Variants in CNTN1 observed in about 807,000 individuals in gnomAD.
CNTN1 encodes contactin-1.
In CNTN1, 38 loss-of-function variants were observed where a neutral mutation model predicts 126.4. The ratio of observed to expected loss-of-function variants is 0.30; its 90% CI spans 0.23 to 0.39. The LOEUF (loss-of-function observed/expected upper bound fraction) is 0.39, where lower values mean the gene tolerates loss of function less well. Ranked by LOEUF, CNTN1 falls within the 10% of genes least tolerant of loss-of-function variation. CNTN1 has a pLI of 1.00. For synonymous variants in CNTN1, 413 were observed against 422.6 expected (o/e 0.98, Z 0.28); for missense variants, 1,009 against 1,248.4 (o/e 0.81, Z 2.89).
intron 17 of CNTN1, among the ~76,000 whole-genome samples, chr12:40,995,590 A>G (rs1948193327): frequency 6.6e-6 from 1 of 152,088 alleles, no homozygotes; most frequent in Non-Finnish European, 1.5e-5. Context: ...CATTTTCTCA[A>G]ATGGTATTTT....
intron 1 of CNTN1, among the ~76,000 whole-genome samples, chr12:40,854,638 G>T (rs1237216257): frequency 6.6e-6 from 1 of 152,126 alleles, no homozygotes; most frequent in East Asian, 1.9e-4. Context: ...GCAAGTGAAA[G>T]CTTTTCACTT....
chr12:40,740,177 A>T (rs1209731934), intron 1 of CNTN1, among the ~76,000 whole-genome samples: 2 of 152,112 alleles, frequency 1.3e-5, no homozygotes, highest in Non-Finnish European at 2.9e-5. Context: ...ATCTACTGTA[A>T]TTAAAACAGA....
At chr12:40,978,250 T>A (rs1411464699) in intron 15 of CNTN1, among the ~76,000 whole-genome samples, 1 of 152,136 alleles carries the variant, frequency 6.6e-6, no homozygotes, top group African/African-American at 2.4e-5. Context: ...CCCTGTTTTT[T>A]AATACAATTA....
intron 14 of CNTN1, among the ~76,000 whole-genome samples, chr12:40,955,826 G>A (rs1185069309): frequency 1.3e-5 from 2 of 152,070 alleles, no homozygotes; most frequent in South Asian, 2.1e-4. Flanking sequence ...AGATATGGGA[G>A]GGGTATCCAA....
At chr12:40,820,874 A>G (rs1282680605) in intron 1 of CNTN1, among the ~76,000 whole-genome samples, 1 of 151,902 alleles carries the variant, frequency 6.6e-6, no homozygotes, top group African/African-American at 2.4e-5. Context: ...TTGTTTATTT[A>G]TTGTTTGTTT....
chr12:40,997,384 A>G (rs765712662), intron 17 of CNTN1, among the ~76,000 whole-genome samples: 7 of 152,310 alleles, frequency 4.6e-5, no homozygotes, highest in Non-Finnish European at 7.4e-5. Context: ...CTTTCATATT[A>G]TGTATAAAGC....
At chr12:40,800,637 C>T (rs568589199) in intron 1 of CNTN1, among the ~76,000 whole-genome samples, 1 of 151,930 alleles carries the variant, frequency 6.6e-6, no homozygotes, top group Admixed American at 6.6e-5. Flanking sequence ...ATAGATCATA[C>T]CCTGGAAACA....
chr12:40,753,727 C>A (rs1277540639), intron 1 of CNTN1, among the ~76,000 whole-genome samples: 1 of 151,972 alleles, frequency 6.6e-6, no homozygotes, highest in Non-Finnish European at 1.5e-5. Context: ...GGCGACATAG[C>A]CAAACCATAT....
intron 14 of CNTN1, among the ~76,000 whole-genome samples, chr12:40,949,107 A>G (rs1158408819): frequency 6.6e-6 from 1 of 152,196 alleles, no homozygotes; most frequent in African/African-American, 2.4e-5. Flanking sequence ...ATATGTATTT[A>G]AAACTAGATC....
chr12:40,961,868 T>A lies in CNTN1; in HGVS notation c.1804+2634T>A, dbSNP rs114732514. 4.0e-3 allele frequency among the ~76,000 whole-genome samples: 612 copies of A among 152,202 alleles called. 3 individuals carry two copies. Among genetic ancestry groups the A allele is most frequent in the African/African-American group, 0.014 (574 of 41,562 alleles). On this transcript the variant is annotated intron_variant, in intron 15 of 23. Transcript: ENST00000551295. ...AAAGATTCGATTTGCACTCAACCCT[T>A]CAAAATTACATGTTTGTAAAAAATA...
chr12:40,718,111 T>A (rs1942094430), intron 1 of CNTN1, among the ~76,000 whole-genome samples: 1 of 152,182 alleles, frequency 6.6e-6, no homozygotes, highest in Non-Finnish European at 1.5e-5. Flanking sequence ...CATTCTCATT[T>A]GAAACCAAGA....
intron 19 of CNTN1, among the ~76,000 whole-genome samples, chr12:41,019,254 C>T (rs909274465): frequency 1.3e-5 from 2 of 152,208 alleles, no homozygotes; most frequent in East Asian, 1.9e-4. Flanking sequence ...GTGTCTTAAG[C>T]ATTTTACAAG....
intron 7 of CNTN1, among the ~76,000 whole-genome samples, chr12:40,931,790 G>C (rs1945894766): frequency 6.6e-6 from 1 of 151,874 alleles, no homozygotes; most frequent in South Asian, 2.1e-4. Flanking sequence ...CAGCAGGCCT[G>C]GAATATGACC....
At chr12:40,971,368 G>T (rs1055765829) in intron 15 of CNTN1, 4 of 1,367,782 alleles carry the variant, frequency 2.9e-6, no homozygotes, top group African/African-American at 2.9e-5. Context: ...TCCCCCAAGT[G>T]CATGGCTTCC....
chr12:40,895,796 C>T (rs1269561831), intron 1 of CNTN1, among the ~76,000 whole-genome samples: 107 of 143,300 alleles, frequency 7.5e-4, no homozygotes, highest in Non-Finnish European at 1.2e-3. Flanking sequence ...CTGGCTCTGT[C>T]GCCCAGGCTG....
At chr12:40,776,886 T>A (rs1284956739) in intron 1 of CNTN1, among the ~76,000 whole-genome samples, 1 of 151,710 alleles carries the variant, frequency 6.6e-6, no homozygotes, top group Non-Finnish European at 1.5e-5. Context: ...ATTTTTAACA[T>A]GTTATATATT....
rs939545304 is a variant in CNTN1 at position 40,996,658 on chromosome 12, A to G, written c.2113+3389A>G. On this transcript the variant is annotated intron_variant, in intron 17 of 23. Transcript: ENST00000551295. ...ATTACCCATTTAGCAATACATTTCC[A>G]ATTTTTATAAGCATAGAAGAAAGAT... Among the ~76,000 whole-genome samples the G allele has an allele frequency of 5.3e-5, 8 of 152,228 alleles. No individual in the cohort carries two copies. The East Asian group carries it at 1.5e-3, about 29-fold the overall frequency.
intron 6 of CNTN1, among the ~76,000 whole-genome samples, chr12:40,927,207 G>A (rs755796175): frequency 6.6e-6 from 1 of 152,008 alleles, no homozygotes; most frequent in Admixed American, 6.6e-5. Context: ...ATAATTTTAT[G>A]GTTATTTATT....
At chr12:40,953,785 G>T (rs1286001041) in intron 14 of CNTN1, among the ~76,000 whole-genome samples, 1 of 118,422 alleles carries the variant, frequency 8.4e-6, no homozygotes, top group Admixed American at 8.4e-5. Flanking sequence ...GACAGTATAA[G>T]AAGAATGACC....
Sources: gnomAD v4.1 joint callset for allele counts (sites outside exome capture counted in the v4.1 genomes callset) on GRCh38, gnomAD v4.1.1 for gene constraint, MANE v1.5 for transcripts, NCBI Gene and HGNC (gene_info 2026-07-23, HGNC 2026-07-21) for gene names.